Variants in PLSCR4 observed in about 807,000 individuals in gnomAD.
PLSCR4 encodes phospholipid scramblase 4, also known as Ca(2+)-dependent phospholipid scramblase 4.
A neutral mutation model predicts 36.3 loss-of-function variants in PLSCR4; 25 were observed. The ratio of observed to expected loss-of-function variants is 0.69; its 90% CI spans 0.50 to 0.96. The LOEUF (loss-of-function observed/expected upper bound fraction) is 0.96, where lower values mean the gene tolerates loss of function less well. Among genes scored for constraint, PLSCR4 ranks in the 40% least tolerant of loss-of-function variants. The pLI is 0.00. For missense variants in PLSCR4, 408 were observed against 414.7 expected, an observed-to-expected ratio of 0.98 and a Z score of 0.14; for synonymous variants, 122 against 132.9, an observed-to-expected ratio of 0.92 and a Z score of 0.56.
chr3:146,204,134 G>T (rs535460422), intron 4 of PLSCR4, among the ~76,000 whole-genome samples: 2 of 152,052 alleles, frequency 1.3e-5, no homozygotes, highest in African/African-American at 4.8e-5. Context: ...TCTGTTAAGG[G>T]GTAGTTCTTT....
rs371000628 is a variant in PLSCR4, at chr3:146,199,404, G to A, written c.624+409C>T. ...TGAGCCACTCTTTATCTGTGGCAAG[G>A]TATGCGTTGTGATGGGTACTCTAAA... On this transcript the variant is annotated intron_variant, in intron 6 of 8. Coordinates refer to ENST00000354952, the MANE Select transcript of PLSCR4 (RefSeq NM_020353.3). Among the ~76,000 whole-genome samples the A allele has an allele frequency of 9.2e-5, 14 of 152,196 alleles. No individual in the cohort carries two copies. The South Asian group carries it at 2.5e-3, about 27-fold the overall frequency.
At chr3:146,237,112 GACAA>G (rs1282914125) in intron 1 of PLSCR4, among the ~76,000 whole-genome samples, 1 of 151,980 alleles carries the variant, frequency 6.6e-6, no homozygotes, top group Non-Finnish European at 1.5e-5. Context: ...AATTTATAAA[GACAA>G]ACAGGTCGAA....
chr3:146,206,657 C>T lies in PLSCR4; in HGVS notation c.223G>A (p.Val75Ile). The T allele has an allele frequency of 6.2e-7, 1 of 1,613,432 alleles. No homozygotes were observed. Among genetic ancestry groups the T allele is most frequent in the Non-Finnish European group, 8.5e-7 (1 of 1,179,660 alleles). ...QPSTFPLYQP[V>I]GGIHPVRYQP... ...TACCGGACAGGATGGATACCACCAACTGGCTGGTACAAAGGGAAGGTACTG... is the reference window on the plus strand; with the variant it reads ...TACCGGACAGGATGGATACCACCAATTGGCTGGTACAAAGGGAAGGTACTG... The change falls in exon 4 of 9, where the codon GTT (valine) becomes ATT (isoleucine). Residue 75 changes from valine to isoleucine, a missense_variant. Physicochemically the swap from Val to Ile is conservative, Grantham distance 29. Transcript: ENST00000354952.
chr3:146,196,984 A>G (rs1268447868), intron 6 of PLSCR4, among the ~76,000 whole-genome samples, 191 bp from the exon 7 acceptor site: 1 of 152,164 alleles, frequency 6.6e-6, no homozygotes, highest in African/African-American at 2.4e-5. Flanking sequence ...TTAACGGATG[A>G]GGTCATGTTT....
At chr3:146,217,930 G>A (rs539304570) in intron 3 of PLSCR4, among the ~76,000 whole-genome samples, 1 of 152,248 alleles carries the variant, frequency 6.6e-6, no homozygotes, top group Admixed American at 6.5e-5. Context: ...AGATCACTTA[G>A]AAGAGTGTGT....
intron 6 of PLSCR4, among the ~76,000 whole-genome samples, chr3:146,198,748 T>C (rs538117248): frequency 6.6e-6 from 1 of 152,182 alleles, no homozygotes; most frequent in South Asian, 2.1e-4. Context: ...TTCCTATAAT[T>C]TCAGAAGGCT....
chr3:146,224,116 C>T (rs1451480294), intron 1 of PLSCR4, among the ~76,000 whole-genome samples: 1 of 151,814 alleles, frequency 6.6e-6, no homozygotes, highest in Non-Finnish European at 1.5e-5. Flanking sequence ...TTAGACACTC[C>T]TAGTTATGTA....
chr3:146,196,887 A>T, intron 6 of PLSCR4, 94 bp from the exon 7 acceptor site: 1 of 1,026,828 alleles, frequency 9.7e-7, no homozygotes, highest in Admixed American at 2.2e-5. Context: ...GTCCTCACTC[A>T]TTCAAAGACT....
intron 1 of PLSCR4, among the ~76,000 whole-genome samples, chr3:146,248,489 G>GACAC (rs146267394): frequency 0.013 from 1,974 of 149,458 alleles, 39 homozygotes; most frequent in African/African-American, 0.045. Flanking sequence ...CACACACACA[G>GACAC]ACACACACAC....
intron 1 of PLSCR4, among the ~76,000 whole-genome samples, chr3:146,229,596 TATTTATTTATTTATTTATTTA>T (rs2035617477): frequency 1.8e-5 from 2 of 110,664 alleles, no homozygotes; most frequent in African/African-American, 7.4e-5. Context: ...ATTTTTCATT[TATTTATTTATTTATTTATTTA>T]TTTATTTATT....
intron 1 of PLSCR4, among the ~76,000 whole-genome samples, chr3:146,246,947 C>T (rs903292481): frequency 2.0e-5 from 3 of 152,154 alleles, no homozygotes; most frequent in African/African-American, 7.2e-5. Context: ...CAACCACAGA[C>T]ATTAGATTTT....
chr3:146,224,359 A>C (rs1428024499), intron 1 of PLSCR4, among the ~76,000 whole-genome samples: 1 of 152,178 alleles, frequency 6.6e-6, no homozygotes, highest in African/African-American at 2.4e-5. Flanking sequence ...AAAGCAAATC[A>C]CTGGAGAATA....
intron 1 of PLSCR4, among the ~76,000 whole-genome samples, chr3:146,233,969 A>ATATACT (rs3028539): frequency 6.6e-6 from 1 of 151,472 alleles, no homozygotes; most frequent in Non-Finnish European, 1.5e-5. Context: ...GGGTTTTGAA[A>ATATACT]TATAGTTCGA....
intron 1 of PLSCR4, among the ~76,000 whole-genome samples, chr3:146,248,272 G>A (rs1193089575): frequency 1.3e-5 from 2 of 152,120 alleles, no homozygotes; most frequent in Non-Finnish European, 2.9e-5. Flanking sequence ...TGTAGTAAAT[G>A]ACAGCTAATA....
At chr3:146,250,899 G>T (rs1019550712) in intron 1 of PLSCR4, 61 bp downstream of exon 1, 1 of 152,512 alleles carries the variant, frequency 6.6e-6, no homozygotes, top group African/African-American at 2.4e-5. Context: ...CCTCGGCCCC[G>T]CAGCCCGGGC....
intron 2 of PLSCR4, among the ~76,000 whole-genome samples, chr3:146,221,167 G>T (rs903082005): frequency 3.3e-5 from 5 of 152,110 alleles, no homozygotes; most frequent in African/African-American, 1.2e-4. Flanking sequence ...TGTGATCAAA[G>T]CAATGAGCTT....
In PLSCR4 at chr3:146,251,079, T is replaced by C. The variant is rs2036533282; in HGVS notation, c.-141A>G. 1 of 152,348 alleles carries C rather than the reference T, an allele frequency of 6.6e-6. No homozygotes were observed. The highest frequency in any genetic ancestry group is 1.5e-5 in the Non-Finnish European group (1 of 68,286). The allele number at this position is 152,348 out of a possible 1,614,324, so 9.4% of individuals were successfully genotyped here. ...GAGACGGAGAGGATTTTTCAAGTTA[T>C]AAACAAAGTAAGCGCGCGGAAGGGA... is the stretch of plus-strand genomic sequence containing the variant. On this transcript the variant is annotated 5_prime_UTR_variant, in exon 1 of 9. Coordinates refer to ENST00000354952, the MANE Select transcript of PLSCR4 (RefSeq NM_020353.3).
At chr3:146,214,783 T>C (rs2034816686) in intron 3 of PLSCR4, among the ~76,000 whole-genome samples, 1 of 152,172 alleles carries the variant, frequency 6.6e-6, no homozygotes, top group African/African-American at 2.4e-5. Flanking sequence ...AGATTGTCTG[T>C]TGTGCCCAGT....
At chr3:146,224,217 A>C (rs2035325155) in intron 1 of PLSCR4, among the ~76,000 whole-genome samples, 1 of 152,196 alleles carries the variant, frequency 6.6e-6, no homozygotes, top group Admixed American at 6.5e-5. Context: ...AAACTTGCCT[A>C]ATGTCCATCA....
Sources: allele counts gnomAD v4.1 joint callset (sites outside exome capture counted in the v4.1 genomes callset), GRCh38; gene constraint gnomAD v4.1.1; transcripts MANE v1.5; gene names NCBI Gene and HGNC (gene_info 2026-07-23, HGNC 2026-07-21).